The following EEA1 variants were observed in gnomAD, a reference collection of about 807,000 sequenced individuals.
EEA1 encodes early endosome antigen 1, also known as early endosome antigen 1, 162kD.
EEA1 carries 111 observed loss-of-function variants against 209.2 expected under a neutral mutation model. The observed-to-expected ratio is 0.53, with a 90% CI of 0.45 to 0.62. The LOEUF is 0.62. Among genes scored for constraint, EEA1 ranks in the 20% least tolerant of loss-of-function variants. The pLI is 0.00. For synonymous variants in EEA1, 536 were observed against 540.6 expected, an observed-to-expected ratio of 0.99 and a Z score of 0.12; for missense variants, 1,343 against 1,530.8, an observed-to-expected ratio of 0.88 and a Z score of 2.05.
chr12:92,883,716 T>C (rs1340632123), intron 2 of EEA1: 1 of 961,322 alleles, frequency 1.0e-6, no homozygotes, highest in Admixed American at 2.1e-5. Context: ...GCTTGTTCTT[T>C]TCTGCCCGCG....
rs781654052 is a variant in EEA1 at position 92,857,479 on chromosome 12, A to G, written c.252T>C (p.Asp84=). 6.4e-7 allele frequency: 1 copy of G among 1,572,406 alleles called. No individual in the cohort carries two copies. The highest frequency in any genetic ancestry group is 8.6e-7 in the Non-Finnish European group (1 of 1,163,156). The change falls in exon 4 of 29, where the codon GAT becomes GAC. Residue 84 remains aspartate, a synonymous_variant. Transcript: ENST00000322349. Reference sequence around the variant, plus strand: ...GGACCTCTTGTCTGAGCAGTGTTACATCATCTCTAAATAAAAATGGGAGGA... The same window carrying G: ...GGACCTCTTGTCTGAGCAGTGTTACGTCATCTCTAAATAAAAATGGGAGGA... ...GESNLALKRD[D]VTLLRQEVQD... is the part of the protein sequence containing the mutation.
intron 24 of EEA1, among the ~76,000 whole-genome samples, chr12:92,779,545 C>A (rs1183572553): frequency 6.6e-6 from 1 of 151,742 alleles, no homozygotes; most frequent in Non-Finnish European, 1.5e-5. Context: ...GAAAAAAAAA[C>A]AAACTGTACT....
At chr12:92,902,547 C>T (rs112857810) in intron 1 of EEA1, among the ~76,000 whole-genome samples, 2,834 of 152,190 alleles carry the variant, frequency 0.019, 96 homozygotes, top group African/African-American at 0.063. Context: ...TCGAGACCAG[C>T]CTGGCCAACA....
chr12:92,878,850 C>T (rs933576625), intron 2 of EEA1, among the ~76,000 whole-genome samples: 5 of 152,156 alleles, frequency 3.3e-5, no homozygotes, highest in African/African-American at 1.2e-4. Flanking sequence ...AAATTCAACA[C>T]ATTAGATGAA....
intron 22 of EEA1, among the ~76,000 whole-genome samples, chr12:92,787,220 GA>G (rs907428003): frequency 6.6e-6 from 1 of 151,762 alleles, no homozygotes; most frequent in African/African-American, 2.4e-5. Flanking sequence ...AAGAGAGACA[GA>G]AAAAAAACTG....
At chr12:92,790,525 G>A (rs1157171436) in intron 21 of EEA1, among the ~76,000 whole-genome samples, 2 of 152,152 alleles carry the variant, frequency 1.3e-5, no homozygotes, top group African/African-American at 4.8e-5. Context: ...GTGGAAGAAA[G>A]GGTATCAGTG....
chr12:92,832,086 T>G (rs571596763), intron 11 of EEA1, among the ~76,000 whole-genome samples: 1 of 139,752 alleles, frequency 7.2e-6, no homozygotes, highest in East Asian at 2.1e-4. Flanking sequence ...AGAGCAAGAC[T>G]CCGTCTCAAA....
intron 21 of EEA1, among the ~76,000 whole-genome samples, chr12:92,795,547 A>G (rs1874621697): frequency 6.6e-6 from 1 of 152,230 alleles, no homozygotes; most frequent in South Asian, 2.1e-4. Flanking sequence ...TTATTAGGCT[A>G]TATTAACAGC....
At chr12:92,795,312 C>A (rs561116755) in intron 21 of EEA1, among the ~76,000 whole-genome samples, 1 of 152,196 alleles carries the variant, frequency 6.6e-6, no homozygotes, top group Non-Finnish European at 1.5e-5. Flanking sequence ...TCTTTGATCA[C>A]CCAACCTTCA....
At chr12:92,918,589 C>G (rs1283221009) in intron 1 of EEA1, among the ~76,000 whole-genome samples, 5 of 115,820 alleles carry the variant, frequency 4.3e-5, no homozygotes, top group South Asian at 3.0e-4. Flanking sequence ...GGGACGCATT[C>G]AAAGCAGTGT....
intron 10 of EEA1, chr12:92,835,392 T>A (rs1447740770): frequency 2.8e-6 from 1 of 354,654 alleles, no homozygotes; most frequent in African/African-American, 2.3e-5. Context: ...CTTGAGATAG[T>A]TTCACTCCTT....
chr12:92,807,014 C>T (rs1033270591), intron 18 of EEA1, among the ~76,000 whole-genome samples: 1 of 151,830 alleles, frequency 6.6e-6, no homozygotes, highest in Non-Finnish European at 1.5e-5. Context: ...AGTGCAGTGG[C>T]ATGATCTCAG....
chr12:92,846,080 G>A (rs549242889), intron 9 of EEA1, among the ~76,000 whole-genome samples: 18 of 152,258 alleles, frequency 1.2e-4, no homozygotes, highest in African/African-American at 4.3e-4. Context: ...GTTTTAATAT[G>A]CTACAACTAT....
intron 1 of EEA1, among the ~76,000 whole-genome samples, chr12:92,894,991 T>C (rs1267179794): frequency 6.6e-6 from 1 of 152,210 alleles, no homozygotes; most frequent in Non-Finnish European, 1.5e-5. Flanking sequence ...AGCTGATGAC[T>C]TTTAAGTTCA....
At chr12:92,859,017 G>A in intron 3 of EEA1, 1 of 684,832 alleles carries the variant, frequency 1.5e-6, no homozygotes, top group Non-Finnish European at 2.6e-6. Flanking sequence ...AAGGAGGTCT[G>A]TGCAGAACGG....
At position 92,864,991 on chromosome 12, in the gene EEA1, T is replaced by C. The variant is rs368392873; in HGVS notation, c.118-4A>G. The C allele has an allele frequency of 4.6e-5, 73 of 1,582,768 alleles. No homozygotes were observed. In the Admixed American group the frequency reaches 1.0e-3, roughly 22 times the overall value. On this transcript the variant is annotated splice_polypyrimidine_tract_variant and splice_region_variant and intron_variant, in intron 2 of 28. Coordinates refer to ENST00000322349, the MANE Select transcript of EEA1 (RefSeq NM_003566.4). ...TACACTGGGGACATATGAAACCCTA[T>C]AGAAAGGGGCAGAAAAAAGTTTCAA... is the stretch of plus-strand genomic sequence containing the variant.
chr12:92,902,646 C>A (rs190879359), intron 1 of EEA1, among the ~76,000 whole-genome samples: 5 of 149,536 alleles, frequency 3.3e-5, no homozygotes, highest in African/African-American at 1.2e-4. Context: ...GACGCTGAGG[C>A]AGTAGAATCA....
intron 1 of EEA1, among the ~76,000 whole-genome samples, chr12:92,917,046 A>G (rs1320167118): frequency 1.3e-5 from 2 of 148,824 alleles, no homozygotes; most frequent in Non-Finnish European, 3.0e-5. Context: ...TTTAGAGAAA[A>G]AAGAATAAAA....
rs1157539991 is a variant in EEA1 at position 92,884,269 on chromosome 12, C to T, written c.117+7360G>A. 8 of 1,472,132 alleles carry T rather than the reference C, an allele frequency of 5.4e-6. No individual in the cohort carries two copies. The African/African-American group carries it at 9.7e-5, about 18-fold the overall frequency. The allele number at this position is 1,472,132 out of a possible 1,614,324, so 91.2% of individuals were successfully genotyped here. A position where few individuals can be genotyped will look rare whatever the true frequency, so the allele number is the denominator to read the frequency against. ...TGGATAAGACTGTCATTCAGAAATA[C>T]CATACTGTGAATGGCCACAACTGTG... is the stretch of plus-strand genomic sequence containing the variant. On this transcript the variant is annotated intron_variant, in intron 2 of 28. Coordinates refer to ENST00000322349, the MANE Select transcript of EEA1 (RefSeq NM_003566.4).
Sources: allele counts gnomAD v4.1 joint callset (sites outside exome capture counted in the v4.1 genomes callset), GRCh38; gene constraint gnomAD v4.1.1; transcripts MANE v1.5; gene names NCBI Gene and HGNC (gene_info 2026-07-23, HGNC 2026-07-21).